ATPAF1: variants seen among roughly 807,000 people sequenced by gnomAD.
The protein encoded by ATPAF1 is ATP synthase mitochondrial F1 complex assembly factor 1.
Under a neutral mutation model 43.9 loss-of-function variants are expected in ATPAF1, and 26 were observed. The ratio of observed to expected loss-of-function variants is 0.59; its 90% CI spans 0.43 to 0.82. The LOEUF (loss-of-function observed/expected upper bound fraction) is 0.82, where lower values mean the gene tolerates loss of function less well. Ranked by LOEUF, ATPAF1 falls within the 40% of genes least tolerant of loss-of-function variation. ATPAF1 has a pLI of 0.00. For missense variants in ATPAF1, 366 were observed against 435.0 expected, an observed-to-expected ratio of 0.84 and a Z score of 1.41; for synonymous variants, 157 against 168.0, an observed-to-expected ratio of 0.93 and a Z score of 0.50.
At position 46,635,672 on chromosome 1, in the gene ATPAF1, C is replaced by T. The variant is rs931237347; in HGVS notation, c.*104G>A. The T allele has an allele frequency of 4.3e-6, 5 of 1,167,230 alleles. No individual in the cohort carries two copies. In the Admixed American group the frequency reaches 1.1e-4, roughly 26 times the overall value. The allele number at this position is 1,167,230 out of a possible 1,614,324, so 72.3% of individuals were successfully genotyped here. A position where few individuals can be genotyped will look rare whatever the true frequency, so the allele number is the denominator to read the frequency against. ...ACAAGCACATAGGGCAACTCATTACCAACTGCTCATTATAAATGCTGAGCT... is the reference window on the plus strand; with the variant it reads ...ACAAGCACATAGGGCAACTCATTACTAACTGCTCATTATAAATGCTGAGCT... On this transcript the variant is annotated 3_prime_UTR_variant, in exon 9 of 9. Coordinates refer to ENST00000574428, the Ensembl canonical transcript of ATPAF1.
At chr1:46,659,059 C>A (rs557222502) in intron 2 of ATPAF1, among the ~76,000 whole-genome samples, 1 of 151,598 alleles carries the variant, frequency 6.6e-6, no homozygotes, top group African/African-American at 2.4e-5. Flanking sequence ...GGCATAGTGG[C>A]GGGTGCCTGT....
At chr1:46,663,057 T>A (rs1418612972) in intron 2 of ATPAF1, among the ~76,000 whole-genome samples, 1 of 152,178 alleles carries the variant, frequency 6.6e-6, no homozygotes, top group Admixed American at 6.5e-5. Flanking sequence ...CTTGCGATAG[T>A]TTGCTGAGAA....
intron 4 of ATPAF1, among the ~76,000 whole-genome samples, chr1:46,654,714 C>G (rs955738448): frequency 1.3e-5 from 2 of 151,938 alleles, no homozygotes; most frequent in Non-Finnish European, 2.9e-5. Flanking sequence ...TGACAGGCCC[C>G]AGTGTGTGGT....
intron 1 of ATPAF1, 177 bp from the exon 2 acceptor site, chr1:46,665,541 A>G: frequency 8.2e-7 from 1 of 1,225,006 alleles, no homozygotes. Context: ...TGGAAAAAGA[A>G]ATCCTGTTAT....
At chr1:46,667,931 T>C (rs909086793) in intron 1 of ATPAF1, 126 bp downstream of exon 1, 2 of 749,184 alleles carry the variant, frequency 2.7e-6, no homozygotes, top group Admixed American at 4.4e-5. Context: ...TCGCGGAGCC[T>C]GGCTACATCA....
chr1:46,650,806 A>C (rs2148820098), intron 6 of ATPAF1, among the ~76,000 whole-genome samples: 1 of 151,298 alleles, frequency 6.6e-6, no homozygotes, highest in South Asian at 2.1e-4. Flanking sequence ...CACATGTTGG[A>C]AGCTAAAAAA....
At position 46,653,788 on chromosome 1, in the gene ATPAF1, A is replaced by G. The variant is rs1676212906; in HGVS notation, c.540+29T>C. The G allele has an allele frequency of 6.2e-7, 1 of 1,600,058 alleles. No individual in the cohort carries two copies. The highest frequency in any genetic ancestry group is 8.5e-7 in the Non-Finnish European group (1 of 1,172,688). On this transcript the variant is annotated intron_variant, in intron 5 of 8. Transcript: ENST00000574428. This position sits in a 1 kb window ranked among gnomAD's most constrained non-coding sequence, Gnocchi z 4.8. ...AGAGAACTGACTTTCATGTTGTAAC[A>G]CTTTCACTTTGCCCTCCAAACTACT...
downstream of ATPAF1, chr1:46,634,975 T>G (rs920676905): frequency 1.3e-5 from 2 of 152,662 alleles, no homozygotes; most frequent in Non-Finnish European, 2.9e-5. Flanking sequence ...TGGGAACATT[T>G]GCTTTCATCC....
At chr1:46,660,305 C>T (rs184952564) in intron 2 of ATPAF1, among the ~76,000 whole-genome samples, 35 of 152,214 alleles carry the variant, frequency 2.3e-4, no homozygotes, top group Non-Finnish European at 4.0e-4. Context: ...CACTCATTCT[C>T]AGGTGTACCA....
downstream of ATPAF1, chr1:46,634,671 T>C (rs923953939): frequency 2.0e-5 from 3 of 152,312 alleles, no homozygotes; most frequent in African/African-American, 7.2e-5. Flanking sequence ...ACAACAATAC[T>C]GGGGGCCTTG....
chr1:46,652,509 G>T, intron 6 of ATPAF1, 72 bp downstream of exon 6: 1 of 1,460,790 alleles, frequency 6.8e-7, no homozygotes, highest in South Asian at 1.2e-5. Flanking sequence ...TATGGAATAT[G>T]ACGTGATGGG....
intron 2 of ATPAF1, among the ~76,000 whole-genome samples, chr1:46,659,454 G>A (rs1241585290): frequency 6.6e-6 from 1 of 152,112 alleles, no homozygotes; most frequent in Non-Finnish European, 1.5e-5. Context: ...GGAAAGATGT[G>A]TTATCCAAGG....
chr1:46,658,918 G>A (rs567156499), intron 2 of ATPAF1, among the ~76,000 whole-genome samples, 181 bp from the exon 3 acceptor site: 5 of 152,172 alleles, frequency 3.3e-5, no homozygotes, highest in South Asian at 4.2e-4. Context: ...TTGGCTGGGC[G>A]CAGTGGCTCA....
At chr1:46,662,051 C>T (rs1337021463) in intron 2 of ATPAF1, among the ~76,000 whole-genome samples, 3 of 152,042 alleles carry the variant, frequency 2.0e-5, no homozygotes, top group East Asian at 1.9e-4. Flanking sequence ...CCTGCCACAA[C>T]GCCCGGCTAA....
upstream of ATPAF1, chr1:46,668,381 G>A (rs544147008): frequency 2.4e-6 from 3 of 1,246,442 alleles, no homozygotes; most frequent in East Asian, 7.1e-5. This position sits in a 1 kb window ranked among gnomAD's most constrained non-coding sequence, Gnocchi z 4.4. Context: ...CGGCCCGCGC[G>A]CCCGCTCCAT....
chr1:46,634,025 A>C (rs1675793611), downstream of ATPAF1: 1 of 355,936 alleles, frequency 2.8e-6, no homozygotes, highest in Non-Finnish European at 5.4e-6. Context: ...TAACAGCTCA[A>C]CCTTTAGAGA....
At chr1:46,639,872 C>T (rs1016229933) in intron 8 of ATPAF1, among the ~76,000 whole-genome samples, 1 of 152,204 alleles carries the variant, frequency 6.6e-6, no homozygotes, top group African/African-American at 2.4e-5. Flanking sequence ...ATGATGAGAA[C>T]TGCACAGCAG....
Position 46,665,236 on chromosome 1 carries a change from C to G in ATPAF1, c.375+20G>C, listed in dbSNP as rs760359090. 1.2e-6 allele frequency: 2 copies of G among 1,612,978 alleles called. No individual in the cohort carries two copies. The highest frequency in any genetic ancestry group is 1.7e-6 in the Non-Finnish European group (2 of 1,178,906). ...AAGGAGTGCTGGTAAGCAAACACCA[C>G]AAATGGGGGAAGGTCTTACCTTCTG... On this transcript the variant is annotated intron_variant, in intron 2 of 8. Coordinates refer to ENST00000574428, the Ensembl canonical transcript of ATPAF1.
intron 2 of ATPAF1, among the ~76,000 whole-genome samples, chr1:46,661,929 C>G (rs1177455591): frequency 2.7e-5 from 4 of 147,796 alleles, no homozygotes; most frequent in Non-Finnish European, 1.5e-5. Context: ...GAGTCTCACT[C>G]TGTCGTCCAG....
Sources: gnomAD v4.1 joint callset for allele counts (sites outside exome capture counted in the v4.1 genomes callset) on GRCh38, gnomAD v4.1.1 for gene constraint, Gnocchi (gnomAD v3.1) non-coding constraint, MANE v1.5 for transcripts, NCBI Gene and HGNC (gene_info 2026-07-23, HGNC 2026-07-21) for gene names.